AFF1: variants seen among roughly 807,000 people sequenced by gnomAD.
AFF1 encodes the protein ALF transcription elongation factor 1, also known as AF4/FMR2 family member 1.
Under a neutral mutation model 121.7 loss-of-function variants are expected in AFF1, and 48 were observed. That is an observed-to-expected ratio of 0.39 (90% CI 0.31 to 0.50). The LOEUF is 0.50. Ranked by LOEUF, AFF1 falls within the 20% of genes least tolerant of loss-of-function variation. AFF1 has a pLI of 0.76. For missense variants in AFF1, 1,523 were observed against 1,511.7 expected, an observed-to-expected ratio of 1.01 and a Z score of -0.12; for synonymous variants, 613 against 563.0, an observed-to-expected ratio of 1.09 and a Z score of -1.26.
At chr4:87,030,322 A>G (rs1399691833) in intron 2 of AFF1, among the ~76,000 whole-genome samples, 1 of 152,222 alleles carries the variant, frequency 6.6e-6, no homozygotes, top group African/African-American at 2.4e-5. Context: ...TAAGCAGATG[A>G]GGATCACTAT....
At chr4:86,975,459 C>T (rs1723237295) in intron 2 of AFF1, among the ~76,000 whole-genome samples, 2 of 152,100 alleles carry the variant, frequency 1.3e-5, no homozygotes, top group African/African-American at 4.8e-5. Flanking sequence ...CAACATTGCC[C>T]AGGCTGGTCT....
At chr4:87,014,984 AAGTT>A (rs1261314052) in intron 2 of AFF1, among the ~76,000 whole-genome samples, 1 of 152,212 alleles carries the variant, frequency 6.6e-6, no homozygotes, top group Non-Finnish European at 1.5e-5. Flanking sequence ...CCTATTTAGT[AAGTT>A]GGTAGCTTTG....
At chr4:87,044,076 A>G (rs2149608115) in intron 2 of AFF1, among the ~76,000 whole-genome samples, 1 of 152,186 alleles carries the variant, frequency 6.6e-6, no homozygotes, top group East Asian at 1.9e-4. Context: ...TTGGCCTCCC[A>G]AAGTGCTGGG....
intron 2 of AFF1, among the ~76,000 whole-genome samples, chr4:86,972,992 A>G (rs1023562568): frequency 5.3e-5 from 8 of 152,212 alleles, no homozygotes; most frequent in African/African-American, 1.7e-4. Flanking sequence ...AGGGATTGAA[A>G]GCAGGGTGAA....
chr4:87,068,646 CA>C (rs1162434401), intron 4 of AFF1, among the ~76,000 whole-genome samples: 2 of 152,296 alleles, frequency 1.3e-5, no homozygotes, highest in African/African-American at 4.8e-5. Context: ...CAGATGTTGC[CA>C]ATTTCAAATG....
intron 2 of AFF1, among the ~76,000 whole-genome samples, chr4:87,005,254 C>CT (rs1166488586): frequency 1.9e-4 from 29 of 152,226 alleles, no homozygotes; most frequent in African/African-American, 6.8e-4. Context: ...GCTGGGATTA[C>CT]AGGCGTGAGC....
intron 8 of AFF1, among the ~76,000 whole-genome samples, chr4:87,099,670 A>G (rs1254837446): frequency 6.6e-6 from 1 of 152,160 alleles, no homozygotes; most frequent in Non-Finnish European, 1.5e-5. Context: ...TGGCCTCCCA[A>G]AGTGCTTGGA....
intron 19 of AFF1, 137 bp from the exon 20 acceptor site, chr4:87,134,334 T>C: frequency 1.2e-6 from 1 of 801,248 alleles, no homozygotes; most frequent in Non-Finnish European, 2.0e-6. Flanking sequence ...TAGGAGTGAC[T>C]TTAGCAGTGG....
chr4:87,049,380 A>G (rs780822866), intron 4 of AFF1, among the ~76,000 whole-genome samples: 3 of 152,140 alleles, frequency 2.0e-5, no homozygotes, highest in Non-Finnish European at 4.4e-5. Context: ...TAGGTTTCCT[A>G]GTAGATGTTT....
chr4:87,129,321 C>G (rs1229769105), intron 16 of AFF1, among the ~76,000 whole-genome samples: 2 of 152,192 alleles, frequency 1.3e-5, no homozygotes, highest in African/African-American at 4.8e-5. Flanking sequence ...TTCTTCTCTA[C>G]GTTATCTTCA....
rs1330351534 is a variant in AFF1 at position 87,138,304 on chromosome 4, A to G, written c.*2603A>G. 2.2e-5 allele frequency: 5 copies of G among 232,428 alleles called. No individual in the cohort carries two copies. The highest frequency in any genetic ancestry group is 3.4e-5 in the Non-Finnish European group (4 of 117,698). 14.4% of individuals were successfully genotyped at this position (232,428 alleles called of 1,614,324 possible). A position where few individuals can be genotyped will look rare whatever the true frequency, so the allele number is the denominator to read the frequency against. On this transcript the variant is annotated 3_prime_UTR_variant, in exon 21 of 21. Transcript: ENST00000395146. ...AAAATGATTTGCACTTTTTCACTGCATGCTTACAATTCCCAAAGGCAAAAT... is the reference window on the plus strand; with the variant it reads ...AAAATGATTTGCACTTTTTCACTGCGTGCTTACAATTCCCAAAGGCAAAAT...
intron 5 of AFF1, 89 bp from the exon 6 acceptor site, chr4:87,089,895 T>C (rs1243683685): frequency 4.3e-6 from 4 of 930,438 alleles, no homozygotes; most frequent in African/African-American, 1.7e-5. Context: ...TTATGATCAA[T>C]CCATTCTACA....
intron 4 of AFF1, among the ~76,000 whole-genome samples, chr4:87,061,308 C>T (rs1040503949): frequency 2.6e-5 from 4 of 152,180 alleles, no homozygotes; most frequent in Non-Finnish European, 5.9e-5. Context: ...ATGGCCCCTC[C>T]AGGCTGAGGA....
intron 1 of AFF1, among the ~76,000 whole-genome samples, chr4:86,947,726 G>C (rs1310165535): frequency 6.6e-6 from 1 of 152,090 alleles, no homozygotes; most frequent in Non-Finnish European, 1.5e-5. Flanking sequence ...ATAGTACCAA[G>C]ACTATCTGCC....
chr4:87,094,881 C>G (rs1724670819), intron 7 of AFF1, 34 bp from the exon 8 acceptor site: 1 of 1,603,592 alleles, frequency 6.2e-7, no homozygotes, highest in South Asian at 1.1e-5. Context: ...AAATATGTGT[C>G]ATTGTGCTGC....
chr4:87,125,846 G>T (rs1474583752), intron 13 of AFF1, among the ~76,000 whole-genome samples: 1 of 152,140 alleles, frequency 6.6e-6, no homozygotes, highest in South Asian at 2.1e-4. Context: ...GCAGGCGTTC[G>T]GAATGGTTGG....
chr4:86,958,636 T>G (rs1721928294), intron 2 of AFF1, among the ~76,000 whole-genome samples: 2 of 152,010 alleles, frequency 1.3e-5, no homozygotes, highest in Admixed American at 1.3e-4. Flanking sequence ...GCGAACCACT[T>G]CAACCCAGGA....
chr4:87,023,522 A>G (rs1728238709), intron 2 of AFF1, among the ~76,000 whole-genome samples: 1 of 152,190 alleles, frequency 6.6e-6, no homozygotes, highest in African/African-American at 2.4e-5. Flanking sequence ...TTTTTTCACT[A>G]TATTTTCATG....
chr4:87,138,500 TGTGTGTGTGTGTGTG>T lies in AFF1; in HGVS notation c.*2800_*2814del, dbSNP rs1729475226. On this transcript the variant is annotated 3_prime_UTR_variant, in exon 21 of 21. Coordinates refer to ENST00000395146, the MANE Select transcript of AFF1 (RefSeq NM_001166693.3). The stretch of plus-strand genomic sequence containing the variant: ...CCTTTGGCACTACAAGGTGTGTGTG[TGTGTGTGTGTGTGTG>T]TGTGTGTCTTTAGTAGGAAATGGAA... 5.7e-6 allele frequency: 1 copy of T among 174,672 alleles called. No homozygotes were observed. 10.8% of individuals were successfully genotyped at this position (174,672 alleles called of 1,614,324 possible).
Sources: gnomAD v4.1 joint callset for allele counts (sites outside exome capture counted in the v4.1 genomes callset) on GRCh38, gnomAD v4.1.1 for gene constraint, MANE v1.5 for transcripts, NCBI Gene and HGNC (gene_info 2026-07-23, HGNC 2026-07-21) for gene names.